The following IQSEC1 variants were observed in gnomAD, a reference collection of about 807,000 sequenced individuals.
IQSEC1 encodes the protein IQ motif and SEC7 domain-containing protein 1.
In IQSEC1, 31 loss-of-function variants were observed where a neutral mutation model predicts 91.0. The observed-to-expected ratio is 0.34, with a 90% CI of 0.26 to 0.46. The LOEUF is 0.46. IQSEC1 is among the 20% of genes least tolerant of loss of function. The probability of loss-of-function intolerance (pLI) is 1.00; values close to 1 mark genes in which losing one functional copy is unlikely to be tolerated. For synonymous variants in IQSEC1, 699 were observed against 662.6 expected (o/e 1.05, Z -0.84); for missense variants, 1,388 against 1,575.6 (o/e 0.88, Z 2.02).
intron 1 of IQSEC1, among the ~76,000 whole-genome samples, chr3:13,191,477 A>ATTTTTTTTTTTTTTTTTTTTT (rs57912681): frequency 7.6e-5 from 7 of 92,098 alleles, no homozygotes; most frequent in African/African-American, 8.6e-5. Context: ...CACCCAGCTA[A>ATTTTTTTTTTTTTTTTTTTTT]TTTTTTTTTT....
At chr3:13,108,792 T>G (rs1706194579) in intron 2 of IQSEC1, among the ~76,000 whole-genome samples, 1 of 152,222 alleles carries the variant, frequency 6.6e-6, no homozygotes, top group African/African-American at 2.4e-5. Flanking sequence ...CGCAACCAGA[T>G]AAGCATCATC....
intron 1 of IQSEC1, among the ~76,000 whole-genome samples, chr3:13,192,672 G>A (rs951068779): frequency 1.3e-5 from 2 of 152,238 alleles, no homozygotes; most frequent in African/African-American, 4.8e-5. Context: ...AGCCTGCGGG[G>A]GCAGTGAGAG....
rs567654825 is a variant in IQSEC1, at chr3:13,145,719, T to C, written c.302+18385A>G. Among the ~76,000 whole-genome samples, 4 of 138,466 alleles carry C rather than the reference T, an allele frequency of 2.9e-5. No homozygotes were observed. The East Asian group carries it at 9.1e-4, about 31-fold the overall frequency. 90.8% of individuals were successfully genotyped at this position (138,466 alleles called of 152,430 possible). On this transcript the variant is annotated intron_variant, in intron 2 of 15. Transcript: ENST00000648114. ...CCAGAGGAGGCGTGGACAAAGTAGC[T>C]GGGGGCCCAAAGCGCAAGGAACAGA...
chr3:13,158,457 T>C (rs925278230), intron 2 of IQSEC1, among the ~76,000 whole-genome samples: 4 of 152,234 alleles, frequency 2.6e-5, no homozygotes, highest in African/African-American at 7.2e-5. Flanking sequence ...TGGATTTGTT[T>C]GGACTAATTA....
rs1701570356 is a variant in IQSEC1, at chr3:12,983,503, A to G, written c.24-41638T>C. 6.6e-6 allele frequency among the ~76,000 whole-genome samples: 1 copy of G among 152,088 alleles called. No homozygotes were observed. Among genetic ancestry groups the G allele is most frequent in the Admixed American group, 6.5e-5 (1 of 15,282 alleles). On this transcript the variant is annotated intron_variant, in intron 1 of 13. Coordinates refer to ENST00000613206, the MANE Select transcript of IQSEC1 (RefSeq NM_001134382.3). This position sits in a 1 kb window ranked among gnomAD's most constrained non-coding sequence, Gnocchi z 4.3. The stretch of plus-strand genomic sequence containing the variant: ...CCACCACCTGTCACCCTGCTGGAGA[A>G]CTGCAGCCTGGCCTTCCTAGCCCCG...
intron 2 of IQSEC1, among the ~76,000 whole-genome samples, chr3:12,939,071 G>A (rs188450147): frequency 6.6e-6 from 1 of 152,310 alleles, no homozygotes; most frequent in East Asian, 1.9e-4. Flanking sequence ...TATGTGTGCT[G>A]GGGACCCCCA....
At chr3:13,222,432 G>T (rs1269261562) in intron 1 of IQSEC1, among the ~76,000 whole-genome samples, 5 of 152,186 alleles carry the variant, frequency 3.3e-5, no homozygotes, top group African/African-American at 9.7e-5. Context: ...GAACATGGGT[G>T]TGCACACATC....
chr3:12,941,372 C>T (rs921837040), intron 2 of IQSEC1, among the ~76,000 whole-genome samples, 199 bp downstream of exon 2: 1 of 152,250 alleles, frequency 6.6e-6, no homozygotes, highest in Admixed American at 6.5e-5. Flanking sequence ...ACACGCCAGC[C>T]AGAGCCAGCT....
At position 12,967,320 on chromosome 3, in the gene IQSEC1, C is replaced by G; in HGVS notation, c.24-25455G>C. On this transcript the variant is annotated intron_variant, in intron 1 of 13. Coordinates refer to ENST00000613206, the MANE Select transcript of IQSEC1 (RefSeq NM_001134382.3). The surrounding 1 kb of genome is among the most constrained non-coding windows in gnomAD (Gnocchi z 5.9). The stretch of plus-strand genomic sequence containing the variant: ...TCACCCGCACTCCCGCACAGGCATC[C>G]CCACAGCCTGCGCCAGCCCACCGCT... The G allele has an allele frequency of 7.2e-7, 1 of 1,388,520 alleles. No homozygotes were observed. The highest frequency in any genetic ancestry group is 9.8e-7 in the Non-Finnish European group (1 of 1,022,792). The allele number at this position is 1,388,520 out of a possible 1,614,324, so 86.0% of individuals were successfully genotyped here.
chr3:12,931,870 C>A (rs1343184988), intron 3 of IQSEC1, among the ~76,000 whole-genome samples: 6 of 152,200 alleles, frequency 3.9e-5, no homozygotes, highest in Non-Finnish European at 5.9e-5. Context: ...GCCTCAGAGG[C>A]CCCTGTGGAA....
chr3:12,957,875 A>G (rs773913654), intron 1 of IQSEC1, among the ~76,000 whole-genome samples: 10 of 152,248 alleles, frequency 6.6e-5, no homozygotes, highest in Non-Finnish European at 1.3e-4. Flanking sequence ...GTGACACATC[A>G]TCATCACCAG....
chr3:12,919,370 T>C (rs1559621507), intron 6 of IQSEC1, among the ~76,000 whole-genome samples: 1 of 151,932 alleles, frequency 6.6e-6, no homozygotes, highest in Non-Finnish European at 1.5e-5. Context: ...CCAAGGGAGG[T>C]GGCAGAACCA....
chr3:12,965,900 G>A (rs1418123819), intron 1 of IQSEC1, among the ~76,000 whole-genome samples: 1 of 152,212 alleles, frequency 6.6e-6, no homozygotes, highest in Non-Finnish European at 1.5e-5. Flanking sequence ...AAGACTCCAT[G>A]TTTTGTTCAC....
chr3:13,225,132 G>A lies in IQSEC1; in HGVS notation c.272+57579C>T, dbSNP rs13071117. Among the ~76,000 whole-genome samples, 1,226 of 152,304 alleles carry A rather than the reference G, an allele frequency of 8.0e-3. 13 individuals carry two copies. The highest frequency in any genetic ancestry group is 0.012 in the Non-Finnish European group (789 of 68,036). On this transcript the variant is annotated intron_variant, in intron 1 of 15. Transcript: ENST00000648114. ...GGCAAGGGTTTTGCTACCATAGTCCGCCCCATGACCTTTGGTCAACACCTT... is the reference window on the plus strand; with the variant it reads ...GGCAAGGGTTTTGCTACCATAGTCCACCCCATGACCTTTGGTCAACACCTT...
intron 2 of IQSEC1, among the ~76,000 whole-genome samples, chr3:13,134,720 G>A (rs1425281722): frequency 2.0e-5 from 3 of 152,202 alleles, no homozygotes; most frequent in East Asian, 1.9e-4. Context: ...GTCTGAAAAC[G>A]TCTGAGGGCC....
intron 1 of IQSEC1, among the ~76,000 whole-genome samples, chr3:13,018,914 C>T (rs950388682): frequency 6.6e-6 from 1 of 152,182 alleles, no homozygotes; most frequent in South Asian, 2.1e-4. Context: ...GATTTCTGAG[C>T]CTGTGTGCTT....
intron 1 of IQSEC1, among the ~76,000 whole-genome samples, chr3:13,264,305 C>A (rs1695445530): frequency 6.6e-6 from 1 of 152,214 alleles, no homozygotes; most frequent in South Asian, 2.1e-4. Flanking sequence ...AGGCCCTGAC[C>A]TGCCCATGGA....
chr3:13,249,167 C>CTTTTTTT (rs60976247), intron 1 of IQSEC1, among the ~76,000 whole-genome samples: 1 of 106,690 alleles, frequency 9.4e-6, no homozygotes, highest in Non-Finnish European at 1.9e-5. Flanking sequence ...GAAGGAATTT[C>CTTTTTTT]TTTTTTTTTT....
At chr3:13,074,335 G>T (rs73142890), upstream of IQSEC1, among the ~76,000 whole-genome samples, 1 of 91,534 alleles carries the variant, frequency 1.1e-5, no homozygotes, top group Non-Finnish European at 2.1e-5. Flanking sequence ...TGGCCCAGAG[G>T]AGGCCAGCGT....
Sources: allele counts gnomAD v4.1 joint callset (sites outside exome capture counted in the v4.1 genomes callset), GRCh38; gene constraint gnomAD v4.1.1; non-coding constraint Gnocchi (gnomAD v3.1); transcripts MANE v1.5; gene names NCBI Gene and HGNC (gene_info 2026-07-23, HGNC 2026-07-21).